LMO7: variants seen among roughly 807,000 people sequenced by gnomAD.
LMO7 encodes LIM domain 7, also known as LIM domain only protein 7.
In LMO7, 120 loss-of-function variants were observed where a neutral mutation model predicts 206.5. The observed-to-expected ratio is 0.58, with a 90% CI of 0.50 to 0.68. LMO7 has a LOEUF of 0.68. Ranked by LOEUF, LMO7 falls within the 30% of genes least tolerant of loss-of-function variation. The pLI is 0.00. For synonymous variants in LMO7, 706 were observed against 681.5 expected (o/e 1.04, Z -0.56); for missense variants, 1,959 against 1,957.9 (o/e 1.00, Z -0.01).
chr13:75,728,567 T>C (rs1166913606), intron 3 of LMO7, among the ~76,000 whole-genome samples: 9 of 142,664 alleles, frequency 6.3e-5, no homozygotes, highest in African/African-American at 1.6e-4. Flanking sequence ...TTCTCCCATT[T>C]TGTAGGTTGC....
intron 15 of LMO7, among the ~76,000 whole-genome samples, chr13:75,824,698 G>A (rs2057940210): frequency 6.6e-6 from 1 of 152,144 alleles, no homozygotes; most frequent in African/African-American, 2.4e-5. Context: ...GCATGGAAGA[G>A]CTTTTGTGGT....
rs575895319 is a variant in LMO7 at position 75,823,502 on chromosome 13, A to G, written c.2641-63A>G. ...TTTTAAAATATTAATTTAATAAACA[A>G]CTTTTAAAAACAGAAATAAAGGTAA... On this transcript the variant is annotated intron_variant, in intron 14 of 30. Transcript: ENST00000377534. 4 of 1,250,504 alleles carry G rather than the reference A, an allele frequency of 3.2e-6. No homozygotes were observed. In the African/African-American group the frequency reaches 6.1e-5, roughly 19 times the overall value. 77.5% of individuals were successfully genotyped at this position (1,250,504 alleles called of 1,614,324 possible). A position where few individuals can be genotyped will look rare whatever the true frequency, so the allele number is the denominator to read the frequency against.
chr13:75,640,029 C>T (rs2036366567), intron 1 of LMO7, among the ~76,000 whole-genome samples: 1 of 152,142 alleles, frequency 6.6e-6, no homozygotes, highest in Admixed American at 6.5e-5. Flanking sequence ...GTGCTGTTCA[C>T]CACCTTTTAA....
At chr13:75,698,868 A>G (rs1002101820) in intron 1 of LMO7, among the ~76,000 whole-genome samples, 5 of 152,196 alleles carry the variant, frequency 3.3e-5, no homozygotes, top group Non-Finnish European at 5.9e-5. Context: ...TATATAATTC[A>G]GTGGCTTTTA....
chr13:75,821,055 G>T, intron 13 of LMO7, 122 bp from the exon 14 acceptor site: 4 of 666,550 alleles, frequency 6.0e-6, no homozygotes, highest in African/African-American at 1.8e-5. Flanking sequence ...GTGTTGTATT[G>T]ATTCTTGTGT....
chr13:75,679,186 A>T (rs1032480021), intron 1 of LMO7, among the ~76,000 whole-genome samples: 1 of 152,238 alleles, frequency 6.6e-6, no homozygotes, highest in Non-Finnish European at 1.5e-5. Flanking sequence ...GACAGATTAA[A>T]ATAGACTAGC....
At chr13:75,792,171 T>C (rs1421968703) in intron 4 of LMO7, among the ~76,000 whole-genome samples, 1 of 152,162 alleles carries the variant, frequency 6.6e-6, no homozygotes, top group East Asian at 1.9e-4. Context: ...TCTTGCTATG[T>C]TTTCCAGGCT....
In LMO7 at chr13:75,841,644, G is replaced by T. The variant is rs775143489; in HGVS notation, c.3692G>T (p.Ser1231Ile). 1 of 1,612,570 alleles carries T rather than the reference G, an allele frequency of 6.2e-7. No homozygotes were observed. The highest frequency in any genetic ancestry group is 8.5e-7 in the Non-Finnish European group (1 of 1,179,214). Residue 1231 changes from serine to isoleucine, a missense_variant, in exon 24 of 31, where the codon AGC becomes ATC. Physicochemically the swap from Ser to Ile is moderately radical, Grantham distance 142. Transcript: ENST00000377534. ...KYLDEELMVL[S>I]SNSMSLTTRE... ...GTCACCTAGGAACTGATGGTCCTAA[G>T]CTCAAACAGCATGTCTCTGACCACA...
intron 1 of LMO7, among the ~76,000 whole-genome samples, chr13:75,643,053 TCTC>T (rs1443248340): frequency 6.6e-6 from 1 of 152,170 alleles, no homozygotes; most frequent in African/African-American, 2.4e-5. Context: ...CCTTAAAACT[TCTC>T]CTAGGCTTAG....
intron 1 of LMO7, among the ~76,000 whole-genome samples, chr13:75,664,023 G>T (rs1326787783): frequency 6.6e-6 from 1 of 152,000 alleles, no homozygotes; most frequent in African/African-American, 2.4e-5. Context: ...AAAATGTATG[G>T]TTAAATTATT....
intron 1 of LMO7, among the ~76,000 whole-genome samples, chr13:75,686,179 G>A (rs377026525): frequency 7.2e-5 from 11 of 152,054 alleles, no homozygotes; most frequent in African/African-American, 2.2e-4. Context: ...CCATTTTCAC[G>A]CTACTGATAA....
intron 4 of LMO7, among the ~76,000 whole-genome samples, chr13:75,791,773 GGCTTACA>G (rs1227659230): frequency 2.2e-4 from 34 of 152,130 alleles, no homozygotes; most frequent in African/African-American, 8.2e-4. Context: ...GCCATCACAT[GGCTTACA>G]GCCTTGTAAT....
intron 4 of LMO7, among the ~76,000 whole-genome samples, chr13:75,793,805 C>G (rs2053624782): frequency 6.6e-6 from 1 of 152,194 alleles, no homozygotes; most frequent in Non-Finnish European, 1.5e-5. Context: ...GTGCCCCATC[C>G]TCTTCTAATC....
chr13:75,727,438 T>C (rs1002331248), intron 3 of LMO7, among the ~76,000 whole-genome samples: 1 of 152,038 alleles, frequency 6.6e-6, no homozygotes, highest in South Asian at 2.1e-4. Context: ...ATGTATATAG[T>C]AGAAAATTTC....
chr13:75,670,824 C>G (rs1002642670), intron 1 of LMO7, among the ~76,000 whole-genome samples: 2 of 152,060 alleles, frequency 1.3e-5, no homozygotes, highest in African/African-American at 4.8e-5. Context: ...ACTTGGCTCA[C>G]TGTAACTTTT....
chr13:75,807,767 A>G lies in LMO7; in HGVS notation c.1484A>G (p.Glu495Gly). 2 of 1,614,012 alleles carry G rather than the reference A, an allele frequency of 1.2e-6. No homozygotes were observed. The highest frequency in any genetic ancestry group is 2.7e-5 in the African/African-American group (2 of 75,050). ...TTCTCTGAGCAAGATGATTCTGTAG[A>G]GCGAGATATAATTTTACAGTGTAGA... ...RKFSEQDDSV[E>G]RDIILQCREG... is the part of the protein sequence containing the mutation. The change falls in exon 10 of 31, where the codon GAG becomes GGG. Residue 495 changes from glutamate (E) to glycine (G), a missense_variant. Coordinates refer to ENST00000377534, the MANE Select transcript of LMO7 (RefSeq NM_001306080.2).
chr13:75,817,018 T>C, intron 11 of LMO7, 143 bp from the exon 12 acceptor site: 1 of 583,630 alleles, frequency 1.7e-6, no homozygotes, highest in South Asian at 2.3e-5. Context: ...CATTTATCTC[T>C]GTAGTGCTAC....
At chr13:75,846,512 C>T (rs1420478865) in intron 26 of LMO7, among the ~76,000 whole-genome samples, 1 of 152,128 alleles carries the variant, frequency 6.6e-6, no homozygotes, top group African/African-American at 2.4e-5. Context: ...CTTTAGCCAC[C>T]ATTAAAATTA....
At chr13:75,710,866 A>T (rs7991387) in intron 1 of LMO7, among the ~76,000 whole-genome samples, 10,539 of 150,024 alleles carry the variant, frequency 0.07, 855 homozygotes, top group African/African-American at 0.19. Flanking sequence ...AGGGCATCCC[A>T]GTCTTGTGCC....
Sources: allele counts gnomAD v4.1 joint callset (sites outside exome capture counted in the v4.1 genomes callset), GRCh38; gene constraint gnomAD v4.1.1; transcripts MANE v1.5; gene names NCBI Gene and HGNC (gene_info 2026-07-23, HGNC 2026-07-21).